EEPD1: variants seen among roughly 807,000 people sequenced by gnomAD.
EEPD1 encodes endonuclease/exonuclease/phosphatase family domain-containing protein 1.
EEPD1 carries 17 observed loss-of-function variants against 46.3 expected under a neutral mutation model. That is an observed-to-expected ratio of 0.37 (90% CI 0.25 to 0.55). The LOEUF (loss-of-function observed/expected upper bound fraction) is 0.55. Among genes scored for constraint, EEPD1 ranks in the 20% least tolerant of loss-of-function variants. EEPD1 has a pLI of 0.83. For missense variants in EEPD1, 673 were observed against 745.6 expected, an observed-to-expected ratio of 0.90 and a Z score of 1.13; for synonymous variants, 313 against 315.6, an observed-to-expected ratio of 0.99 and a Z score of 0.09.
At chr7:36,214,446 C>A (rs1345472951) in intron 2 of EEPD1, among the ~76,000 whole-genome samples, 1 of 152,196 alleles carries the variant, frequency 6.6e-6, no homozygotes. Context: ...GGCTCCTCAT[C>A]AACAGGTCTG....
Position 36,287,785 on chromosome 7 carries a change from A to G in EEPD1, c.1315+8A>G, listed in dbSNP as rs1787363949. On this transcript the variant is annotated splice_region_variant and intron_variant, in intron 6 of 7. Transcript: ENST00000242108. ...TACAGGAAACCCTGAAAGGTAGGACATTGTCTTTTGCTGTGACTCGGCCAC... is the reference window on the plus strand; with the variant it reads ...TACAGGAAACCCTGAAAGGTAGGACGTTGTCTTTTGCTGTGACTCGGCCAC... 3 of 1,613,002 alleles carry G rather than the reference A, an allele frequency of 1.9e-6. No homozygotes were observed. Among genetic ancestry groups the G allele is most frequent in the Non-Finnish European group, 2.5e-6 (3 of 1,179,416 alleles).
At chr7:36,176,705 T>C (rs1350925155) in intron 2 of EEPD1, among the ~76,000 whole-genome samples, 1 of 152,190 alleles carries the variant, frequency 6.6e-6, no homozygotes, top group Non-Finnish European at 1.5e-5. Flanking sequence ...AGATAGTATA[T>C]TGACTTCAGA....
intron 2 of EEPD1, among the ~76,000 whole-genome samples, chr7:36,199,178 G>A (rs750629641): frequency 2.0e-5 from 3 of 152,072 alleles, no homozygotes; most frequent in East Asian, 1.9e-4. Context: ...TCTTGCCACC[G>A]CAGAATACCC....
intron 6 of EEPD1, among the ~76,000 whole-genome samples, chr7:36,293,188 A>G (rs1355194193): frequency 6.6e-6 from 1 of 152,246 alleles, no homozygotes; most frequent in Non-Finnish European, 1.5e-5. Flanking sequence ...ATACTTAGAA[A>G]TGTGGTGGTA....
intron 3 of EEPD1, among the ~76,000 whole-genome samples, chr7:36,256,221 G>A (rs1258586681): frequency 6.6e-6 from 1 of 152,178 alleles, no homozygotes; most frequent in Non-Finnish European, 1.5e-5. Context: ...TGCATTTGCT[G>A]AGGAGTGTTT....
chr7:36,238,821 T>TA (rs1786503334), intron 2 of EEPD1, among the ~76,000 whole-genome samples, 164 bp from the exon 3 acceptor site: 1 of 152,224 alleles, frequency 6.6e-6, no homozygotes, highest in Non-Finnish European at 1.5e-5. Flanking sequence ...TTAAATACTT[T>TA]CAAAACGGTC....
At chr7:36,205,560 G>C (rs923966374) in intron 2 of EEPD1, among the ~76,000 whole-genome samples, 1 of 152,218 alleles carries the variant, frequency 6.6e-6, no homozygotes, top group Non-Finnish European at 1.5e-5. Context: ...TGCCCATGCA[G>C]CCTGCAGGTT....
At position 36,285,661 on chromosome 7, in the gene EEPD1, C is replaced by T. The variant is rs572745675; in HGVS notation, c.1176+841C>T. On this transcript the variant is annotated intron_variant, in intron 5 of 7. Coordinates refer to ENST00000242108, the MANE Select transcript of EEPD1 (RefSeq NM_030636.3). ...AGCTCACAGGCCAGGCAAGCAGGTC[C>T]GGTGCCTTGGAGCTCAGCAAGCGTA... Among the ~76,000 whole-genome samples, 70 of 152,296 alleles carry T rather than the reference C, an allele frequency of 4.6e-4. 1 individual carries two copies. The South Asian group carries it at 6.8e-3, about 15-fold the overall frequency.
chr7:36,263,039 A>G (rs916879071), intron 3 of EEPD1, among the ~76,000 whole-genome samples: 6 of 152,168 alleles, frequency 3.9e-5, no homozygotes, highest in Non-Finnish European at 8.8e-5. Context: ...ACAAGAAATA[A>G]AATGATAAAA....
chr7:36,263,399 C>A (rs1024117163), intron 3 of EEPD1, among the ~76,000 whole-genome samples: 1 of 152,124 alleles, frequency 6.6e-6, no homozygotes, highest in East Asian at 1.9e-4. Flanking sequence ...CAAAGCAGCA[C>A]CTCACACAGG....
At chr7:36,256,252 A>G (rs575215041) in intron 3 of EEPD1, among the ~76,000 whole-genome samples, 5 of 152,252 alleles carry the variant, frequency 3.3e-5, no homozygotes, top group South Asian at 2.1e-4. Context: ...TATGTGGTCA[A>G]TTTTAGAATA....
rs1273567704 is a variant in EEPD1, at chr7:36,263,526, G to T, written c.931-17589G>T. 2.0e-5 allele frequency among the ~76,000 whole-genome samples: 3 copies of T among 152,226 alleles called. No individual in the cohort carries two copies. In the East Asian group the frequency reaches 5.8e-4, roughly 29 times the overall value. ...GGAAGCACTGTGGAGTCACAGAGCA[G>T]AGCATCTTCCCAATGTGTATAGCTC... On this transcript the variant is annotated intron_variant, in intron 3 of 7. Coordinates refer to ENST00000242108, the MANE Select transcript of EEPD1 (RefSeq NM_030636.3).
At chr7:36,204,435 A>G (rs191492548) in intron 2 of EEPD1, among the ~76,000 whole-genome samples, 176 of 147,684 alleles carry the variant, frequency 1.2e-3, no homozygotes, top group African/African-American at 4.2e-3. Flanking sequence ...GGAGGAGGAG[A>G]AGGAGGAGGG....
chr7:36,183,874 C>T (rs536858171), intron 2 of EEPD1, among the ~76,000 whole-genome samples: 10 of 47,366 alleles, frequency 2.1e-4, no homozygotes, highest in East Asian at 2.1e-3. Context: ...TCCTAGCCCT[C>T]GTTTTTTTTT....
chr7:36,231,959 TATAA>T (rs1786339180), intron 2 of EEPD1, among the ~76,000 whole-genome samples: 1 of 152,194 alleles, frequency 6.6e-6, no homozygotes, highest in African/African-American at 2.4e-5. Flanking sequence ...AGGACAGTTA[TATAA>T]CAGGAAGCAC....
At chr7:36,281,044 C>A in intron 3 of EEPD1, 71 bp from the exon 4 acceptor site, 1 of 1,363,504 alleles carries the variant, frequency 7.3e-7, no homozygotes, top group Non-Finnish European at 1.0e-6. Flanking sequence ...TGCCTGGCTT[C>A]TCAGGCCGCC....
chr7:36,277,358 C>G (rs1207199771), intron 3 of EEPD1, among the ~76,000 whole-genome samples: 2 of 152,168 alleles, frequency 1.3e-5, no homozygotes, highest in Non-Finnish European at 2.9e-5. Flanking sequence ...TGGGCTGTGC[C>G]AGGAATAATA....
Position 36,234,654 on chromosome 7 carries a change from A to AAAGTGAGAC in EEPD1, c.879-4330_879-4322dup, listed in dbSNP as rs1324463205. On this transcript the variant is annotated intron_variant, in intron 2 of 7. Coordinates refer to ENST00000242108, the MANE Select transcript of EEPD1 (RefSeq NM_030636.3). Reference sequence around the variant, plus strand: ...GCCAGTGTACTCCAGCCTGGGTGACAAAGTGAGACCCTGTCTCAAAAAAAA... The same window carrying AAAGTGAGAC: ...GCCAGTGTACTCCAGCCTGGGTGACAAAGTGAGACAAGTGAGACCCTGTCTCAAAAAAAA... 2.6e-5 allele frequency among the ~76,000 whole-genome samples: 4 copies of AAAGTGAGAC among 151,910 alleles called. No individual in the cohort carries two copies. In the East Asian group the frequency reaches 7.7e-4, roughly 29 times the overall value.
chr7:36,276,989 G>A (rs952812520), intron 3 of EEPD1, among the ~76,000 whole-genome samples: 3 of 152,206 alleles, frequency 2.0e-5, no homozygotes. Flanking sequence ...CTGCTTTTAC[G>A]TAAGAGTATT....
Sources: allele counts gnomAD v4.1 joint callset (sites outside exome capture counted in the v4.1 genomes callset), GRCh38; gene constraint gnomAD v4.1.1; transcripts MANE v1.5; gene names NCBI Gene and HGNC (gene_info 2026-07-23, HGNC 2026-07-21).